The following CDH13 variants were observed in gnomAD, a reference collection of about 807,000 sequenced individuals.
The protein encoded by CDH13 is cadherin-13.
A neutral mutation model predicts 63.8 loss-of-function variants in CDH13; 24 were observed. The observed-to-expected ratio is 0.38, with a 90% confidence interval of 0.27 to 0.53. The LOEUF (loss-of-function observed/expected upper bound fraction) is 0.53. CDH13 is among the 20% of genes least tolerant of loss of function. The probability of loss-of-function intolerance (pLI) is 0.85; values close to 1 mark genes in which losing one functional copy is unlikely to be tolerated. For missense variants in CDH13, 1,049 were observed against 903.1 expected (o/e 1.16, Z -2.07); for synonymous variants, 503 against 355.3 (o/e 1.42, Z -4.67).
intron 1 of CDH13, among the ~76,000 whole-genome samples, chr16:82,805,824 G>A (rs1221335946): frequency 1.3e-5 from 2 of 152,158 alleles, no homozygotes; most frequent in African/African-American, 4.8e-5. Context: ...AGAGAAATAA[G>A]GATGTGTGTG....
At chr16:82,916,577 A>G (rs957284853) in intron 2 of CDH13, among the ~76,000 whole-genome samples, 2 of 152,100 alleles carry the variant, frequency 1.3e-5, no homozygotes, top group African/African-American at 4.8e-5. Flanking sequence ...CTGTCTCAAA[A>G]AAAAAATAAA....
chr16:83,604,044 C>G (rs1479323523), intron 8 of CDH13, among the ~76,000 whole-genome samples: 1 of 152,054 alleles, frequency 6.6e-6, no homozygotes, highest in Admixed American at 6.5e-5. Flanking sequence ...CTCCCGTGAT[C>G]CAGTCACCTC....
Position 83,102,295 on chromosome 16 carries a change from C to T in CDH13, c.367-23090C>T, listed in dbSNP as rs147765148. 1.1e-3 allele frequency among the ~76,000 whole-genome samples: 173 copies of T among 152,282 alleles called. 1 individual carries two copies. The highest frequency in any genetic ancestry group is 3.9e-3 in the African/African-American group (162 of 41,576). On this transcript the variant is annotated intron_variant, in intron 3 of 13. Coordinates refer to ENST00000567109, the MANE Select transcript of CDH13 (RefSeq NM_001257.5). ...ATAATAAATGTGTGTTGTTTTAAGTCGCTGAGTTTGTTATGACTTGTTATA... is the reference window on the plus strand; with the variant it reads ...ATAATAAATGTGTGTTGTTTTAAGTTGCTGAGTTTGTTATGACTTGTTATA...
intron 8 of CDH13, among the ~76,000 whole-genome samples, chr16:83,655,884 G>A (rs1043427638): frequency 6.6e-6 from 1 of 152,170 alleles, no homozygotes; most frequent in African/African-American, 2.4e-5. Context: ...AACAGAGGAG[G>A]AGTCAAACAC....
intron 10 of CDH13, among the ~76,000 whole-genome samples, chr16:83,691,445 A>C (rs955809380): frequency 2.6e-5 from 4 of 152,262 alleles, no homozygotes; most frequent in African/African-American, 9.6e-5. Context: ...GGACACTCTC[A>C]TATTGGGAGG....
At chr16:83,192,930 A>G (rs1054406223) in intron 4 of CDH13, among the ~76,000 whole-genome samples, 1 of 152,162 alleles carries the variant, frequency 6.6e-6, no homozygotes, top group African/African-American at 2.4e-5. Flanking sequence ...CAAAAACCAC[A>G]GAAACAATTT....
chr16:82,955,997 T>C lies in CDH13; in HGVS notation c.158-76013T>C, dbSNP rs7196704. On this transcript the variant is annotated intron_variant, in intron 2 of 13. Coordinates refer to ENST00000567109, the MANE Select transcript of CDH13 (RefSeq NM_001257.5). Reference sequence around the variant, plus strand: ...ATTTATTTTTTTTAACTCTGTGTACTAGACACTGCCTCTTGGATGTCCCAT... The same window carrying C: ...ATTTATTTTTTTTAACTCTGTGTACCAGACACTGCCTCTTGGATGTCCCAT... Among the ~76,000 whole-genome samples, 636 of 152,320 alleles carry C rather than the reference T, an allele frequency of 4.2e-3. 1 individual carries two copies. Among genetic ancestry groups the C allele is most frequent in the African/African-American group, 0.014 (592 of 41,568 alleles).
chr16:83,551,094 A>ATCTATCTT (rs1227835134), intron 7 of CDH13, among the ~76,000 whole-genome samples: 23 of 150,634 alleles, frequency 1.5e-4, no homozygotes, highest in African/African-American at 5.6e-4. Context: ...CTATCTATCT[A>ATCTATCTT]TCTTTGAGAC....
Position 83,594,659 on chromosome 16 carries a change from G to C in CDH13, c.961-7795G>C, listed in dbSNP as rs189787488. 9.3e-4 allele frequency among the ~76,000 whole-genome samples: 141 copies of C among 152,286 alleles called. 1 individual carries two copies. The highest frequency in any genetic ancestry group is 6.8e-3 in the South Asian group (33 of 4,820). On this transcript the variant is annotated intron_variant, in intron 7 of 13. Coordinates refer to ENST00000567109, the MANE Select transcript of CDH13 (RefSeq NM_001257.5). ...TAGAGTGCAGTTCAAGACCAGGCGAGAGAGAGATGGGGTACTGTGTGGGTT... is the reference window on the plus strand; with the variant it reads ...TAGAGTGCAGTTCAAGACCAGGCGACAGAGAGATGGGGTACTGTGTGGGTT...
At chr16:83,221,618 G>C (rs1158575397) in intron 5 of CDH13, among the ~76,000 whole-genome samples, 1 of 151,444 alleles carries the variant, frequency 6.6e-6, no homozygotes, top group African/African-American at 2.4e-5. Flanking sequence ...GACGGGAGTG[G>C]AGTGGGAGAC....
rs1555570562 is a variant in CDH13, at chr16:83,047,235, G to GTAT, written c.366+15019_366+15021dup. Among the ~76,000 whole-genome samples, 280 of 151,866 alleles carry GTAT rather than the reference G, an allele frequency of 1.8e-3. No homozygotes were observed. Among genetic ancestry groups the GTAT allele is most frequent in the Non-Finnish European group, 2.9e-3 (195 of 67,866 alleles). ...CCTCACTCTTACTCCAGAGGCCTGT[G>GTAT]TATTTATTTATTTATTTATTTTTTT... On this transcript the variant is annotated intron_variant, in intron 3 of 13. Transcript: ENST00000567109. This position sits in a 1 kb window ranked among gnomAD's most constrained non-coding sequence, Gnocchi z 4.9.
At chr16:83,630,292 G>C (rs576379269) in intron 8 of CDH13, among the ~76,000 whole-genome samples, 1 of 152,288 alleles carries the variant, frequency 6.6e-6, no homozygotes, top group African/African-American at 2.4e-5. Flanking sequence ...AAGTATCTGG[G>C]ACAGGTCTCA....
At chr16:83,528,711 G>A (rs1278057424) in intron 7 of CDH13, among the ~76,000 whole-genome samples, 1 of 152,156 alleles carries the variant, frequency 6.6e-6, no homozygotes, top group Non-Finnish European at 1.5e-5. Context: ...GTAACGAACA[G>A]CATTAAAACA....
intron 3 of CDH13, among the ~76,000 whole-genome samples, chr16:83,086,300 T>C (rs562446124): frequency 1.3e-5 from 2 of 152,342 alleles, no homozygotes; most frequent in African/African-American, 2.4e-5. Flanking sequence ...CGTTAGTAGT[T>C]AGGGAATGCA....
At position 83,643,489 on chromosome 16, in the gene CDH13, C is replaced by G. The variant is rs78317799; in HGVS notation, c.1102-27301C>G. The stretch of plus-strand genomic sequence containing the variant: ...AAAAGGGAGAACTATTAATAATACT[C>G]TATTTCTTTAGTCTTTGGTGAGGAT... On this transcript the variant is annotated intron_variant, in intron 8 of 13. Coordinates refer to ENST00000567109, the MANE Select transcript of CDH13 (RefSeq NM_001257.5). Among the ~76,000 whole-genome samples, 701 of 152,216 alleles carry G rather than the reference C, an allele frequency of 4.6e-3. 4 individuals are homozygous for G. Among genetic ancestry groups the G allele is most frequent in the African/African-American group, 0.013 (559 of 41,520 alleles).
intron 2 of CDH13, among the ~76,000 whole-genome samples, chr16:83,009,694 T>C (rs1428104785): frequency 6.6e-6 from 1 of 152,216 alleles, no homozygotes; most frequent in Non-Finnish European, 1.5e-5. Flanking sequence ...TGGTGGATAA[T>C]GTATATTTAA....
intron 7 of CDH13, among the ~76,000 whole-genome samples, chr16:83,504,115 G>T (rs959093911): frequency 2.0e-5 from 3 of 152,040 alleles, no homozygotes; most frequent in Non-Finnish European, 4.4e-5. Context: ...AGAAGTTAAG[G>T]TAAAATTTAA....
intron 2 of CDH13, among the ~76,000 whole-genome samples, chr16:82,875,233 G>C (rs2040465590): frequency 6.6e-6 from 1 of 152,194 alleles, no homozygotes; most frequent in Non-Finnish European, 1.5e-5. Flanking sequence ...ATGATGTGCA[G>C]TTTTGATCAG....
Position 82,639,506 on chromosome 16 carries a change from T to C in CDH13, c.45+12369T>C, listed in dbSNP as rs1311971838. The C allele has an allele frequency of 5.2e-6, 7 of 1,348,834 alleles. No homozygotes were observed. The African/African-American group carries it at 1.0e-4, about 19-fold the overall frequency. The allele number at this position is 1,348,834 out of a possible 1,614,324, so 83.6% of individuals were successfully genotyped here. A position where few individuals can be genotyped will look rare whatever the true frequency, so the allele number is the denominator to read the frequency against. On this transcript the variant is annotated intron_variant, in intron 1 of 13. Coordinates refer to ENST00000567109, the MANE Select transcript of CDH13 (RefSeq NM_001257.5). ...GCTGTGTCGTGTGGCTGGATGGAAT[T>C]CTTCCCTAGGGATGCTAAGAAACCC...
Sources: gnomAD v4.1 joint callset for allele counts (sites outside exome capture counted in the v4.1 genomes callset) on GRCh38, gnomAD v4.1.1 for gene constraint, Gnocchi (gnomAD v3.1) non-coding constraint, MANE v1.5 for transcripts, NCBI Gene and HGNC (gene_info 2026-07-23, HGNC 2026-07-21) for gene names.